The following KDM7A variants were observed in gnomAD, a reference collection of about 807,000 sequenced individuals.
KDM7A encodes the protein lysine-specific demethylase 7A.
Under a neutral mutation model 114.8 loss-of-function variants are expected in KDM7A, and 28 were observed. The ratio of observed to expected loss-of-function variants is 0.24; its 90% confidence interval spans 0.18 to 0.33. The LOEUF is 0.33. KDM7A is among the 10% of genes least tolerant of loss of function. The probability of loss-of-function intolerance (pLI) is 1.00; values close to 1 mark genes in which losing one functional copy is unlikely to be tolerated. For missense variants in KDM7A, 942 were observed against 1,142.5 expected (o/e 0.82, Z 2.53); for synonymous variants, 423 against 397.8 (o/e 1.06, Z -0.75).
In KDM7A at chr7:140,133,400, A is replaced by C. The variant is rs528911602; in HGVS notation, c.398+139T>G. On this transcript the variant is annotated intron_variant, in intron 3 of 19. Transcript: ENST00000397560. ...TGATACTTTTCTATTTCGTTAAGGA[A>C]GAAAAAAGGTGAAAAGCTGGCTGAG... 81 of 545,918 alleles carry C rather than the reference A, an allele frequency of 1.5e-4. No individual in the cohort carries two copies. In the South Asian group the frequency reaches 2.3e-3, roughly 16 times the overall value. The allele number at this position is 545,918 out of a possible 1,614,324, so 33.8% of individuals were successfully genotyped here.
At chr7:140,114,892 C>T (rs1382863914) in intron 9 of KDM7A, among the ~76,000 whole-genome samples, 3 of 111,468 alleles carry the variant, frequency 2.7e-5, no homozygotes, top group African/African-American at 1.1e-4. Context: ...CCCCTCCGCC[C>T]GGAAGCCGCC....
intron 1 of KDM7A, among the ~76,000 whole-genome samples, chr7:140,156,468 C>G (rs1253393681): frequency 6.6e-6 from 1 of 152,174 alleles, no homozygotes; most frequent in Non-Finnish European, 1.5e-5. Flanking sequence ...CCCCCATAAG[C>G]AGAACCTGAG....
intron 1 of KDM7A, among the ~76,000 whole-genome samples, chr7:140,164,973 T>C (rs757862478): frequency 1.1e-4 from 16 of 152,222 alleles, no homozygotes; most frequent in Non-Finnish European, 2.1e-4. Flanking sequence ...TGAATGATAA[T>C]CAGGTGACTG....
chr7:140,097,396 T>C lies in KDM7A; in HGVS notation c.2016+149A>G, dbSNP rs1278234020. 8.5e-6 allele frequency: 5 copies of C among 590,788 alleles called. No homozygotes were observed. In the East Asian group the frequency reaches 1.4e-4, roughly 17 times the overall value. 36.6% of individuals were successfully genotyped at this position (590,788 alleles called of 1,614,324 possible). A position where few individuals can be genotyped will look rare whatever the true frequency, so the allele number is the denominator to read the frequency against. ...GAATGGTCACATGATGGCATGTGTG[T>C]ACACTGACCACCACAGAAGACCCTG... On this transcript the variant is annotated intron_variant, in intron 15 of 19. Transcript: ENST00000397560.
Position 140,139,950 on chromosome 7 carries a change from T to G in KDM7A, c.195-760A>C, listed in dbSNP as rs111913278. Among the ~76,000 whole-genome samples, 74 of 152,264 alleles carry G rather than the reference T, an allele frequency of 4.9e-4. 1 individual carries two copies. Among genetic ancestry groups the G allele is most frequent in the African/African-American group, 1.8e-3 (73 of 41,562 alleles). ...TGGGCAAACCTGAGTCATGAGGAAA[T>G]AGAGTGCCTGAATAGTCCTGAACGA... On this transcript the variant is annotated intron_variant, in intron 1 of 19. Transcript: ENST00000397560.
intron 1 of KDM7A, among the ~76,000 whole-genome samples, chr7:140,166,635 G>A (rs1794579573): frequency 6.6e-6 from 1 of 152,110 alleles, no homozygotes; most frequent in Admixed American, 6.5e-5. Context: ...ACTGCACCTG[G>A]AGGAATACTG....
At chr7:140,121,071 GC>G (rs1475386152) in intron 7 of KDM7A, among the ~76,000 whole-genome samples, 1 of 152,162 alleles carries the variant, frequency 6.6e-6, no homozygotes, top group Non-Finnish European at 1.5e-5. Flanking sequence ...TGAAATCAGT[GC>G]CCCGAAAGGA....
chr7:140,176,810 C>A lies in KDM7A; in HGVS notation c.128G>T (p.Arg43Leu). ...PPPPPVYCVCRQPYDVNRFMI... is the reference protein window; with the variant it reads ...PPPPPVYCVCLQPYDVNRFMI... The stretch of plus-strand genomic sequence containing the variant: ...GAAGCGGTTCACGTCGTACGGCTGC[C>A]GGCACACACAGTACACGGGCGGGGG... Residue 43 changes from arginine (R) to leucine (L), a missense_variant, in exon 1 of 20, where the codon CGG (arginine) becomes CTG (leucine). This residue lies in a region of KDM7A where 112 missense variants were observed against 96.2 expected (regional missense o/e 1.16). Transcript: ENST00000397560. This position sits in a 1 kb window ranked among gnomAD's most constrained non-coding sequence, Gnocchi z 4.4. 1 of 1,410,386 alleles carries A rather than the reference C, an allele frequency of 7.1e-7. No individual in the cohort carries two copies. Among genetic ancestry groups the A allele is most frequent in the South Asian group, 1.3e-5 (1 of 76,108 alleles). The allele number at this position is 1,410,386 out of a possible 1,614,324, so 87.4% of individuals were successfully genotyped here.
chr7:140,127,446 T>C lies in KDM7A; in HGVS notation c.697A>G (p.Thr233Ala), dbSNP rs772413983. 46 of 1,612,486 alleles carry C rather than the reference T, an allele frequency of 2.9e-5. No individual in the cohort carries two copies. Among genetic ancestry groups the C allele is most frequent in the Middle Eastern group, 1.6e-4 (1 of 6,070 alleles). Reference protein sequence around the residue: ...LNVISLEFSDTKMSELVEVPD... With the variant: ...LNVISLEFSDAKMSELVEVPD... ...AAAATACCCAGAACTACTCACTTTGTATCTGAAAATTCAAGGCTGATCACA... is the reference window on the plus strand; with the variant it reads ...AAAATACCCAGAACTACTCACTTTGCATCTGAAAATTCAAGGCTGATCACA... Residue 233 changes from threonine (T) to alanine (A), a missense_variant, in exon 5 of 20, where the codon ACA becomes GCA. Physicochemically the swap from Thr to Ala is moderately conservative, Grantham distance 58 (BLOSUM62 0). This residue lies in a region of KDM7A where 318 missense variants were observed against 453.1 expected (regional missense o/e 0.70). Transcript: ENST00000397560.
intron 7 of KDM7A, among the ~76,000 whole-genome samples, chr7:140,122,780 T>G (rs193194109): frequency 1.3e-5 from 2 of 152,370 alleles, no homozygotes; most frequent in Admixed American, 1.3e-4. Context: ...AGACACACCC[T>G]ATGCTGTCCT....
At chr7:140,108,859 G>A (rs1204385340) in intron 11 of KDM7A, among the ~76,000 whole-genome samples, 3 of 152,208 alleles carry the variant, frequency 2.0e-5, no homozygotes, top group African/African-American at 7.2e-5. Flanking sequence ...GCTATGCCCT[G>A]CCCCCAGAGG....
chr7:140,154,025 T>C (rs1033691746), intron 1 of KDM7A, among the ~76,000 whole-genome samples: 4 of 152,206 alleles, frequency 2.6e-5, no homozygotes, highest in African/African-American at 9.7e-5. Flanking sequence ...CTGATCTGCA[T>C]ACTGAAGAGT....
chr7:140,095,935 T>G (rs1399036708), intron 17 of KDM7A, among the ~76,000 whole-genome samples: 1 of 152,062 alleles, frequency 6.6e-6, no homozygotes, highest in African/African-American at 2.4e-5. Context: ...GATGTCAAGC[T>G]CCTGGTATAC....
At chr7:140,127,713 T>C (rs1818728953) in intron 4 of KDM7A, 130 bp from the exon 5 acceptor site, 2 of 802,298 alleles carry the variant, frequency 2.5e-6, no homozygotes, top group Non-Finnish European at 4.1e-6. Context: ...GACAAATATT[T>C]TCCCTATACT....
intron 1 of KDM7A, among the ~76,000 whole-genome samples, chr7:140,163,013 G>A (rs200028127): frequency 3.4e-5 from 3 of 87,984 alleles, no homozygotes; most frequent in African/African-American, 1.4e-4. Flanking sequence ...TTTTTTTTTT[G>A]AGACAATGTC....
rs1253528562 is a variant in KDM7A at position 140,141,517 on chromosome 7, T to C, written c.195-2327A>G. On this transcript the variant is annotated intron_variant, in intron 1 of 19. Transcript: ENST00000397560. ...GGCACGGAAGAGCACACGGCAAGAA[T>C]AAACTTTTCAATACAAGGTCCTGGA... Among the ~76,000 whole-genome samples, 7 of 152,234 alleles carry C rather than the reference T, an allele frequency of 4.6e-5. No individual in the cohort carries two copies. In the South Asian group the frequency reaches 1.0e-3, roughly 23 times the overall value.
At chr7:140,148,924 T>C (rs1794370403) in intron 1 of KDM7A, among the ~76,000 whole-genome samples, 1 of 152,194 alleles carries the variant, frequency 6.6e-6, no homozygotes, top group Non-Finnish European at 1.5e-5. Context: ...TGGCATACTA[T>C]ATGCTTAAGG....
intron 11 of KDM7A, among the ~76,000 whole-genome samples, chr7:140,109,683 T>C (rs1818401055): frequency 6.6e-6 from 1 of 152,240 alleles, no homozygotes; most frequent in Admixed American, 6.5e-5. Flanking sequence ...GTTTTCAGCT[T>C]CAGATATTAC....
intron 6 of KDM7A, among the ~76,000 whole-genome samples, chr7:140,125,624 T>C (rs12535016): frequency 0.038 from 5,730 of 152,292 alleles, 173 homozygotes; most frequent in Middle Eastern, 0.065. Context: ...TGGAGTGCAA[T>C]GGTGCAATCA....
Sources: allele counts gnomAD v4.1 joint callset (sites outside exome capture counted in the v4.1 genomes callset), GRCh38; gene constraint gnomAD v4.1.1; regional missense constraint gnomAD v4.1.1; non-coding constraint Gnocchi (gnomAD v3.1); transcripts MANE v1.5; gene names NCBI Gene and HGNC (gene_info 2026-07-23, HGNC 2026-07-21).